The following MGST1 variants were observed in gnomAD, a reference collection of about 807,000 sequenced individuals.
The protein encoded by MGST1 is microsomal glutathione S-transferase 1.
Under a neutral mutation model 8.9 loss-of-function variants are expected in MGST1, and 5 were observed. The ratio of observed to expected loss-of-function variants is 0.56; its 90% CI spans 0.29 to 1.19. The LOEUF is 1.19. Among genes scored for constraint, MGST1 ranks in the 50% most tolerant of loss-of-function variants. MGST1 has a pLI of 0.08. For missense variants in MGST1, 182 were observed against 187.4 expected, an observed-to-expected ratio of 0.97 and a Z score of 0.17; for synonymous variants, 54 against 67.8, an observed-to-expected ratio of 0.80 and a Z score of 1.00.
chr12:16,410,630 G>GTATATTATATACATATTAA lies in MGST1; in HGVS notation n.779-26753_779-26752insTATATACATATTAATATAT, dbSNP rs1940734294. Reference sequence around the variant, plus strand: ...ATATTACATATAAATATTAATATATGTATATGTAATACATATATTATATAT... The same window carrying GTATATTATATACATATTAA: ...ATATTACATATAAATATTAATATATGTATATTATATACATATTAATATATGTAATACATATATTATATAT... On this transcript the variant is annotated intron_variant and non_coding_transcript_variant, in intron 1 of 1. Transcript: ENST00000359720. The surrounding 1 kb of genome is among the most constrained non-coding windows in gnomAD (Gnocchi z 4.4). Among the ~76,000 whole-genome samples, 1 of 146,768 alleles carries GTATATTATATACATATTAA rather than the reference G, an allele frequency of 6.8e-6. No individual in the cohort carries two copies. The highest frequency in any genetic ancestry group is 1.5e-5 in the Non-Finnish European group (1 of 66,948).
intron 4 of MGST1, among the ~76,000 whole-genome samples, chr12:16,532,436 A>G (rs907472811): frequency 1.3e-5 from 2 of 152,160 alleles, no homozygotes; most frequent in Non-Finnish European, 2.9e-5. Flanking sequence ...GGACTAAGGA[A>G]AGAATCTGTG....
intron 1 of MGST1, among the ~76,000 whole-genome samples, chr12:16,428,127 T>C (rs1306621644): frequency 6.6e-6 from 1 of 151,954 alleles, no homozygotes; most frequent in Non-Finnish European, 1.5e-5. Flanking sequence ...CTTTAAGATG[T>C]CTTCAAATTT....
intron 4 of MGST1, among the ~76,000 whole-genome samples, chr12:16,498,919 G>A (rs778255308): frequency 1.1e-4 from 16 of 152,174 alleles, no homozygotes; most frequent in Admixed American, 2.6e-4. Context: ...GGAGACTCCG[G>A]TGATATAAAG....
chr12:16,585,537 C>A lies in MGST1; in HGVS notation n.483-3991C>A, dbSNP rs117358778. On this transcript the variant is annotated intron_variant and non_coding_transcript_variant, in intron 4 of 4. Transcript: ENST00000538857. The surrounding 1 kb of genome is among the most constrained non-coding windows in gnomAD (Gnocchi z 4.7). ...TTGCAGATTAGAAAACTAATTTCATCACAATCTCCCCTTTCCTAAATTCCT... is the reference window on the plus strand; with the variant it reads ...TTGCAGATTAGAAAACTAATTTCATAACAATCTCCCCTTTCCTAAATTCCT... Among the ~76,000 whole-genome samples the A allele has an allele frequency of 6.2e-4, 95 of 152,282 alleles. No individual in the cohort carries two copies. Among genetic ancestry groups the A allele is most frequent in the Non-Finnish European group, 1.1e-3 (78 of 68,016 alleles).
chr12:16,444,896 G>A (rs1941067226), intron 4 of MGST1, among the ~76,000 whole-genome samples: 2 of 151,866 alleles, frequency 1.3e-5, no homozygotes, highest in African/African-American at 2.4e-5. Context: ...AGTGGCATAT[G>A]AGAAGCTGTT....
chr12:16,403,155 C>T (rs979168536), intron 1 of MGST1, among the ~76,000 whole-genome samples: 3 of 152,080 alleles, frequency 2.0e-5, no homozygotes, highest in Middle Eastern at 3.4e-3. Flanking sequence ...TTTAGCTGCA[C>T]CTTGCATGTG....
In MGST1 at chr12:16,389,286, G is replaced by A. The variant is rs1327056499; in HGVS notation, n.778+5682G>A. 2.0e-5 allele frequency among the ~76,000 whole-genome samples: 3 copies of A among 152,176 alleles called. No individual in the cohort carries two copies. The highest frequency in any genetic ancestry group is 7.2e-5 in the African/African-American group (3 of 41,442). On this transcript the variant is annotated intron_variant and non_coding_transcript_variant, in intron 1 of 1. Coordinates refer to the MGST1 transcript ENST00000359720. The surrounding 1 kb of genome is among the most constrained non-coding windows in gnomAD (Gnocchi z 4.6). ...TGCATCAACAGTTTGTATCTCAACA[G>A]TCATTTATTGAGCCAGTTATTTGTA...
At chr12:16,390,915 A>T (rs187022430) in intron 1 of MGST1, among the ~76,000 whole-genome samples, 1 of 151,652 alleles carries the variant, frequency 6.6e-6, no homozygotes, top group Non-Finnish European at 1.5e-5. Context: ...ATTTATTTAC[A>T]CTCCCACCAA....
intron 4 of MGST1, among the ~76,000 whole-genome samples, chr12:16,569,866 T>A (rs1190858772): frequency 6.6e-6 from 1 of 152,090 alleles, no homozygotes; most frequent in Non-Finnish European, 1.5e-5. Context: ...AAAACAGAAA[T>A]ATTTTAACTA....
chr12:16,361,002 A>G lies in MGST1; in HGVS notation c.222-2793A>G, dbSNP rs1032592567. Among the ~76,000 whole-genome samples the G allele has an allele frequency of 2.0e-5, 3 of 150,926 alleles. No individual in the cohort carries two copies. Among genetic ancestry groups the G allele is most frequent in the African/African-American group, 7.3e-5 (3 of 40,986 alleles). On this transcript the variant is annotated intron_variant, in intron 3 of 3. Coordinates refer to ENST00000396210, the MANE Select transcript of MGST1 (RefSeq NM_020300.5). This position sits in a 1 kb window ranked among gnomAD's most constrained non-coding sequence, Gnocchi z 4.2. Reference sequence around the variant, plus strand: ...TGTTCCCCCCCTCCCCGCCCCCAAAAGACCCACATGCATATAGGAATGGGA... The same window carrying G: ...TGTTCCCCCCCTCCCCGCCCCCAAAGGACCCACATGCATATAGGAATGGGA...
intron 1 of MGST1, among the ~76,000 whole-genome samples, chr12:16,422,412 C>G (rs1940846932): frequency 6.6e-6 from 1 of 152,146 alleles, no homozygotes; most frequent in African/African-American, 2.4e-5. Context: ...GCTGGTATCA[C>G]ACATAACAAA....
chr12:16,531,434 A>G (rs1409832294), intron 4 of MGST1, among the ~76,000 whole-genome samples: 1 of 152,064 alleles, frequency 6.6e-6, no homozygotes, highest in Non-Finnish European at 1.5e-5. Flanking sequence ...GAGGTAGAAG[A>G]AAAAATAAGG....
chr12:16,444,594 C>T lies in MGST1; in HGVS notation n.482+60990C>T, dbSNP rs1175169888. 4.6e-5 allele frequency among the ~76,000 whole-genome samples: 7 copies of T among 151,892 alleles called. No individual in the cohort carries two copies. The East Asian group carries it at 1.2e-3, about 25-fold the overall frequency. On this transcript the variant is annotated intron_variant and non_coding_transcript_variant, in intron 4 of 4. Coordinates refer to the MGST1 transcript ENST00000538857. ...TCCTCACATACAAAGTCAGTCCATC[C>T]ATAAACCAAGCTTGGACTTTTTCTC...
At chr12:16,539,294 C>T (rs1591755067) in intron 4 of MGST1, among the ~76,000 whole-genome samples, 2 of 152,050 alleles carry the variant, frequency 1.3e-5, no homozygotes, top group South Asian at 4.2e-4. Context: ...GTAAAATGTA[C>T]CCTACGATTT....
At chr12:16,420,844 A>G (rs1940829782) in intron 1 of MGST1, among the ~76,000 whole-genome samples, 2 of 152,170 alleles carry the variant, frequency 1.3e-5, no homozygotes, top group Admixed American at 6.5e-5. Context: ...AGCATCCATT[A>G]TAGTCCACCC....
intron 3 of MGST1, among the ~76,000 whole-genome samples, chr12:16,373,025 T>C (rs1480908166): frequency 1.3e-5 from 2 of 148,316 alleles, no homozygotes; most frequent in East Asian, 1.9e-4. Flanking sequence ...ATACTATACA[T>C]ACTATGTGTT....
In MGST1 at chr12:16,500,503, C is replaced by G. The variant is rs1479820465; in HGVS notation, n.483-89025C>G. On this transcript the variant is annotated intron_variant and non_coding_transcript_variant, in intron 4 of 4. Coordinates refer to the MGST1 transcript ENST00000538857. This position sits in a 1 kb window ranked among gnomAD's most constrained non-coding sequence, Gnocchi z 4.3. ...AGTTTTATTTCATTTTGTAAAGTTT[C>G]ATTTCAAAACGGAAAAGATACTTAT... 1.3e-5 allele frequency among the ~76,000 whole-genome samples: 2 copies of G among 152,166 alleles called. No homozygotes were observed. Among genetic ancestry groups the G allele is most frequent in the Non-Finnish European group, 2.9e-5 (2 of 68,016 alleles).
At chr12:16,381,648 G>A (rs1449018703), downstream of MGST1, among the ~76,000 whole-genome samples, 2 of 152,090 alleles carry the variant, frequency 1.3e-5, no homozygotes, top group East Asian at 1.9e-4. Flanking sequence ...TATCTTTGTG[G>A]CATTCTCTGT....
intron 4 of MGST1, among the ~76,000 whole-genome samples, chr12:16,461,267 A>G (rs1941218295): frequency 6.6e-6 from 1 of 151,806 alleles, no homozygotes; most frequent in Non-Finnish European, 1.5e-5. Flanking sequence ...GATGCAAATT[A>G]TTATTAATCC....
Sources: allele counts gnomAD v4.1 joint callset (sites outside exome capture counted in the v4.1 genomes callset), GRCh38; gene constraint gnomAD v4.1.1; non-coding constraint Gnocchi (gnomAD v3.1); transcripts MANE v1.5; gene names NCBI Gene and HGNC (gene_info 2026-07-23, HGNC 2026-07-21).